Variants in WIF1 observed in about 807,000 individuals in gnomAD.
WIF1 encodes Wnt inhibitory factor 1.
WIF1 carries 35 observed loss-of-function variants against 53.5 expected under a neutral mutation model. The observed-to-expected ratio is 0.65, with a 90% CI of 0.50 to 0.87. The LOEUF is 0.87. WIF1 is among the 40% of genes least tolerant of loss of function. The pLI is 0.00. For missense variants in WIF1, 467 were observed against 476.8 expected, an observed-to-expected ratio of 0.98 and a Z score of 0.19; for synonymous variants, 171 against 170.4, an observed-to-expected ratio of 1.00 and a Z score of -0.03.
chr12:65,111,943 T>C (rs2136294362), intron 2 of WIF1, among the ~76,000 whole-genome samples: 1 of 152,328 alleles, frequency 6.6e-6, no homozygotes, highest in Middle Eastern at 3.4e-3. Context: ...TCCAAGATTC[T>C]TTCATCACAT....
chr12:65,061,511 T>C lies in WIF1; in HGVS notation c.826+970A>G, dbSNP rs188272849. ...CTTTGGTGCTATCTGTTCTTCTGGA[T>C]TGTAAGGCAATCTAGGAGGGAGTTA... On this transcript the variant is annotated intron_variant, in intron 7 of 9. Coordinates refer to ENST00000286574, the MANE Select transcript of WIF1 (RefSeq NM_007191.5). Among the ~76,000 whole-genome samples, 624 of 152,284 alleles carry C rather than the reference T, an allele frequency of 4.1e-3. 6 individuals carry two copies. Among genetic ancestry groups the C allele is most frequent in the Non-Finnish European group, 3.3e-3 (223 of 68,020 alleles).
At chr12:65,118,132 A>G (rs1216306348) in intron 2 of WIF1, among the ~76,000 whole-genome samples, 3 of 152,264 alleles carry the variant, frequency 2.0e-5, no homozygotes, top group African/African-American at 4.8e-5. Flanking sequence ...TTAAAACTTC[A>G]TTAATGAGCT....
chr12:65,082,825 T>C (rs756816893), intron 2 of WIF1, among the ~76,000 whole-genome samples: 3 of 152,162 alleles, frequency 2.0e-5, no homozygotes, highest in Non-Finnish European at 2.9e-5. Context: ...TCTGTGTTTA[T>C]GGTGTGTACT....
At chr12:65,101,894 T>C (rs1304256773) in intron 2 of WIF1, among the ~76,000 whole-genome samples, 1 of 152,082 alleles carries the variant, frequency 6.6e-6, no homozygotes, top group Non-Finnish European at 1.5e-5. Context: ...TGCCAGCATA[T>C]CCCCCAGCTT....
In WIF1 at chr12:65,056,366, CTTTTTTTTTTTT is replaced by C. The variant is rs10584146; in HGVS notation, c.827-252_827-241del. Among the ~76,000 whole-genome samples, 217 of 24,236 alleles carry C rather than the reference CTTTTTTTTTTTT, an allele frequency of 9.0e-3. 3 individuals are homozygous for C. The highest frequency in any genetic ancestry group is 0.024 in the South Asian group (15 of 614). The allele number at this position is 24,236 out of a possible 152,430, so 15.9% of individuals were successfully genotyped here. ...GTTGCCAAAATGCTGCATTTATATC[CTTTTTTTTTTTT>C]TTTTTTTTTTTTTTTTTTTTTTTTT... On this transcript the variant is annotated intron_variant, in intron 7 of 9. Transcript: ENST00000286574.
intron 2 of WIF1, among the ~76,000 whole-genome samples, chr12:65,095,433 A>G (rs957782502): frequency 6.6e-6 from 1 of 152,136 alleles, no homozygotes; most frequent in Non-Finnish European, 1.5e-5. Flanking sequence ...CAATACATTC[A>G]TTGTACTCAT....
intron 2 of WIF1, among the ~76,000 whole-genome samples, chr12:65,109,067 G>T (rs1883390853): frequency 6.6e-6 from 1 of 152,118 alleles, no homozygotes; most frequent in Non-Finnish European, 1.5e-5. Context: ...ATATTCCTCA[G>T]TTCTGTTCCA....
chr12:65,078,417 T>A (rs947856975), intron 2 of WIF1, among the ~76,000 whole-genome samples: 1 of 152,152 alleles, frequency 6.6e-6, no homozygotes, highest in Admixed American at 6.6e-5. Flanking sequence ...TTGCTGTCTT[T>A]TTAAAAGATT....
At chr12:65,062,877 C>A (rs1308184726) in intron 6 of WIF1, among the ~76,000 whole-genome samples, 1 of 151,850 alleles carries the variant, frequency 6.6e-6, no homozygotes, top group Non-Finnish European at 1.5e-5. Context: ...CATAGCTATG[C>A]CCTTAAAAGG....
intron 3 of WIF1, among the ~76,000 whole-genome samples, chr12:65,075,003 C>T (rs1032432524): frequency 2.5e-4 from 38 of 152,176 alleles, no homozygotes; most frequent in African/African-American, 8.4e-4. Context: ...AGCGTATCCA[C>T]ATCTCTAGAA....
In WIF1 at chr12:65,050,935, T is replaced by TA. The variant is rs1446961117; in HGVS notation, c.*413dup. On this transcript the variant is annotated 3_prime_UTR_variant, in exon 10 of 10. Transcript: ENST00000286574. The stretch of plus-strand genomic sequence containing the variant: ...TAACAAACATCTAAATATCTGACAA[T>TA]AAAATCTGAAATGCTGTAACTTCAA... 8 of 229,120 alleles carry TA rather than the reference T, an allele frequency of 3.5e-5. No homozygotes were observed. Among genetic ancestry groups the TA allele is most frequent in the Non-Finnish European group, 6.1e-5 (7 of 115,608 alleles). 14.2% of individuals were successfully genotyped at this position (229,120 alleles called of 1,614,324 possible). A position where few individuals can be genotyped will look rare whatever the true frequency, so the allele number is the denominator to read the frequency against.
chr12:65,054,307 A>C (rs1326220670), intron 9 of WIF1, among the ~76,000 whole-genome samples: 1 of 152,116 alleles, frequency 6.6e-6, no homozygotes, highest in Non-Finnish European at 1.5e-5. Context: ...ACTGAGTTCT[A>C]GCTGCCAGAA....
At chr12:65,098,181 A>G (rs1264900574) in intron 2 of WIF1, among the ~76,000 whole-genome samples, 3 of 152,194 alleles carry the variant, frequency 2.0e-5, no homozygotes, top group Non-Finnish European at 4.4e-5. Flanking sequence ...TTTCAAAGTC[A>G]TGTAAAAATA....
intron 2 of WIF1, among the ~76,000 whole-genome samples, chr12:65,084,284 A>G (rs1031453960): frequency 3.3e-5 from 5 of 152,132 alleles, no homozygotes; most frequent in Non-Finnish European, 7.4e-5. Context: ...CAATACATCA[A>G]ATGAAACCAC....
chr12:65,069,332 C>T (rs561702375), intron 3 of WIF1, among the ~76,000 whole-genome samples: 3 of 152,154 alleles, frequency 2.0e-5, no homozygotes, highest in South Asian at 2.1e-4. Flanking sequence ...GCATCTTCAT[C>T]AGCCTCCATA....
chr12:65,082,462 G>A (rs190754566), intron 2 of WIF1, among the ~76,000 whole-genome samples: 2 of 152,246 alleles, frequency 1.3e-5, no homozygotes, highest in East Asian at 1.9e-4. Context: ...ACATGAAAAG[G>A]TTGCTTTGTA....
chr12:65,052,447 C>T lies in WIF1; in HGVS notation c.1019-977G>A, dbSNP rs566347111. On this transcript the variant is annotated intron_variant, in intron 9 of 9. Transcript: ENST00000286574. ...CATGAAGCCCAAACCTTTCTGTTGG[C>T]GAGGGTGAGCCTATGCGGGGACTTC... Among the ~76,000 whole-genome samples the T allele has an allele frequency of 7.2e-5, 11 of 152,158 alleles. No individual in the cohort carries two copies. In the East Asian group the frequency reaches 7.7e-4, roughly 11 times the overall value.
intron 2 of WIF1, among the ~76,000 whole-genome samples, chr12:65,081,117 T>A (rs1451085856): frequency 7.5e-6 from 1 of 134,102 alleles, no homozygotes; most frequent in East Asian, 2.0e-4. Flanking sequence ...TAAGTGCATT[T>A]ATGTATTTTT....
At chr12:65,100,936 A>G (rs996194166) in intron 2 of WIF1, among the ~76,000 whole-genome samples, 44 of 152,188 alleles carry the variant, frequency 2.9e-4, no homozygotes, top group African/African-American at 1.1e-3. Flanking sequence ...ATGTGATAAC[A>G]TGGGAAACTA....
Sources: allele counts gnomAD v4.1 joint callset (sites outside exome capture counted in the v4.1 genomes callset), GRCh38; gene constraint gnomAD v4.1.1; transcripts MANE v1.5; gene names NCBI Gene and HGNC (gene_info 2026-07-23, HGNC 2026-07-21).